Variants in MYOM2 observed in about 807,000 individuals in gnomAD.
MYOM2 encodes the protein myomesin-2.
Under a neutral mutation model 187.6 loss-of-function variants are expected in MYOM2, and 254 were observed. The ratio of observed to expected loss-of-function variants is 1.35; its 90% confidence interval spans 1.22 to 1.50. The LOEUF is 1.50. MYOM2 is among the 40% of genes most tolerant of loss of function. The pLI, the probability that MYOM2 is intolerant of heterozygous loss-of-function variation, is 0.00. For synonymous variants in MYOM2, 981 were observed against 753.8 expected (o/e 1.30, Z -4.94); for missense variants, 2,796 against 1,924.0 (o/e 1.45, Z -8.48).
intron 5 of MYOM2, 76 bp downstream of exon 5, chr8:2,057,856 A>G (rs1818723130): frequency 5.3e-6 from 8 of 1,521,156 alleles, no homozygotes; most frequent in Non-Finnish European, 7.1e-6. Context: ...TTAAGGAGAC[A>G]AACGCCATTG....
intron 18 of MYOM2, among the ~76,000 whole-genome samples, chr8:2,098,536 C>T (rs1025573916): frequency 2.6e-5 from 4 of 152,176 alleles, no homozygotes; most frequent in Non-Finnish European, 4.4e-5. Flanking sequence ...CCCTGGGCAA[C>T]CGTCGCCTCT....
chr8:2,050,943 C>A lies in MYOM2; in HGVS notation c.107+70C>A, dbSNP rs1818464811. Reference sequence around the variant, plus strand: ...GGGGTCTGACATTTAAAGGCTTTTCCAGTTCCGTCAGCCCTGGAGAGGCAC... The same window carrying A: ...GGGGTCTGACATTTAAAGGCTTTTCAAGTTCCGTCAGCCCTGGAGAGGCAC... On this transcript the variant is annotated intron_variant, in intron 2 of 36. Transcript: ENST00000262113. The A allele has an allele frequency of 3.3e-6, 4 of 1,225,800 alleles. No homozygotes were observed. In the Admixed American group the frequency reaches 5.7e-5, roughly 18 times the overall value. The allele number at this position is 1,225,800 out of a possible 1,614,324, so 75.9% of individuals were successfully genotyped here. A position where few individuals can be genotyped will look rare whatever the true frequency, so the allele number is the denominator to read the frequency against.
At chr8:2,101,953 G>A (rs1796724405) in intron 20 of MYOM2, 1 of 152,238 alleles carries the variant, frequency 6.6e-6, no homozygotes, top group African/African-American at 2.4e-5. Flanking sequence ...AGCCCCAGGA[G>A]GCCTACATGC....
In MYOM2 at chr8:2,145,277, C is replaced by T. The variant is rs1382285147; in HGVS notation, c.*296C>T. On this transcript the variant is annotated 3_prime_UTR_variant, in exon 37 of 37. Transcript: ENST00000262113. Reference sequence around the variant, plus strand: ...ACTAGAATTTTCACGGGTGTGGGCACATGGGTGTGGCACCTGGACGTGTGC... The same window carrying T: ...ACTAGAATTTTCACGGGTGTGGGCATATGGGTGTGGCACCTGGACGTGTGC... 5.8e-6 allele frequency: 3 copies of T among 514,320 alleles called. No homozygotes were observed. Among genetic ancestry groups the T allele is most frequent in the African/African-American group, 3.9e-5 (2 of 51,394 alleles). 31.9% of individuals were successfully genotyped at this position (514,320 alleles called of 1,614,324 possible). A position where few individuals can be genotyped will look rare whatever the true frequency, so the allele number is the denominator to read the frequency against.
chr8:2,124,448 G>A (rs573658187), intron 31 of MYOM2, among the ~76,000 whole-genome samples: 117 of 152,294 alleles, frequency 7.7e-4, no homozygotes, highest in African/African-American at 2.5e-3. Flanking sequence ...CAGGTTGGGC[G>A]TCCTGATTAG....
chr8:2,084,074 G>A (rs1184533545), intron 13 of MYOM2, among the ~76,000 whole-genome samples: 1 of 152,222 alleles, frequency 6.6e-6, no homozygotes, highest in Non-Finnish European at 1.5e-5. Flanking sequence ...CCAGGATTCA[G>A]TTTTGGAATT....
chr8:2,135,775 T>C (rs181293058), intron 32 of MYOM2, among the ~76,000 whole-genome samples: 1 of 152,346 alleles, frequency 6.6e-6, no homozygotes, highest in East Asian at 1.9e-4. Flanking sequence ...AATATCCCTA[T>C]ATGTCCAAGT....
intron 14 of MYOM2, among the ~76,000 whole-genome samples, chr8:2,086,395 TTGTGATCTCTGCGTGGCCTCC>T (rs1796058646): frequency 8.6e-5 from 11 of 127,590 alleles, no homozygotes; most frequent in African/African-American, 2.5e-4. Context: ...CCTCCCACTG[TTGTGATCTCTGCGTGGCCTCC>T]CACTGTTGTG....
At chr8:2,109,270 A>C in intron 24 of MYOM2, 125 bp from the exon 25 acceptor site, 1 of 1,131,142 alleles carries the variant, frequency 8.8e-7, no homozygotes, top group Admixed American at 3.1e-5. Flanking sequence ...CCATAATCTA[A>C]TACTCCAGGG....
intron 14 of MYOM2, among the ~76,000 whole-genome samples, chr8:2,086,800 C>T (rs1266272133): frequency 1.3e-5 from 2 of 152,162 alleles, no homozygotes; most frequent in African/African-American, 2.4e-5. Flanking sequence ...ACATTCCAGG[C>T]GCCTACATGC....
chr8:2,084,995 C>A, intron 13 of MYOM2: 1 of 425,438 alleles, frequency 2.4e-6, no homozygotes, highest in Non-Finnish European at 4.2e-6. Context: ...TCCCCCTCTT[C>A]CAACAGAATC....
rs760667306 is a variant in MYOM2 at position 2,069,367 on chromosome 8, G to T, written c.742+1G>T. The T allele has an allele frequency of 6.2e-7, 1 of 1,614,056 alleles. No individual in the cohort carries two copies. The highest frequency in any genetic ancestry group is 1.1e-5 in the South Asian group (1 of 91,082). On this transcript the variant is annotated splice_donor_variant, in intron 7 of 36. Transcript: ENST00000262113. LOFTEE classifies it high-confidence loss of function. ...ACCAACGCGGCGGTGGTGGTGAGAA[G>T]TGAGTGCCGGGTGGGCTTTCACGGG...
chr8:2,048,762 T>C (rs146506603), intron 1 of MYOM2, among the ~76,000 whole-genome samples: 63 of 148,464 alleles, frequency 4.2e-4, no homozygotes, highest in African/African-American at 1.5e-3. Context: ...CTTTTATTTA[T>C]TTATTTATTT....
At chr8:2,109,293 A>T in intron 24 of MYOM2, 102 bp from the exon 25 acceptor site, 1 of 1,346,186 alleles carries the variant, frequency 7.4e-7, no homozygotes, top group Non-Finnish European at 1.0e-6. Context: ...TCACATTCTC[A>T]AAAATCTAAT....
intron 32 of MYOM2, among the ~76,000 whole-genome samples, chr8:2,129,554 A>T (rs4483186): frequency 0.37 from 56,836 of 152,038 alleles, 11,012 homozygotes; most frequent in Non-Finnish European, 0.43. Flanking sequence ...AGAACTAATA[A>T]ATAATTTGTA....
At chr8:2,072,087 G>A (rs1443221832) in intron 8 of MYOM2, among the ~76,000 whole-genome samples, 2 of 152,164 alleles carry the variant, frequency 1.3e-5, no homozygotes, top group East Asian at 1.9e-4. Flanking sequence ...TGACAAAGAC[G>A]TGCTTTTGCG....
intron 13 of MYOM2, among the ~76,000 whole-genome samples, chr8:2,080,744 G>A (rs1449750491): frequency 6.6e-6 from 1 of 152,236 alleles, no homozygotes; most frequent in Non-Finnish European, 1.5e-5. Flanking sequence ...CTGAAAAATG[G>A]CTCCAAATAC....
chr8:2,052,973 A>AGAT (rs1415659624), intron 3 of MYOM2, among the ~76,000 whole-genome samples: 1 of 152,246 alleles, frequency 6.6e-6, no homozygotes, highest in African/African-American at 2.4e-5. Context: ...AATTATTTCC[A>AGAT]GATGACGGAG....
In MYOM2 at chr8:2,085,075, C is replaced by G. The variant is rs528129874; in HGVS notation, c.1517-188C>G. 5.2e-5 allele frequency: 33 copies of G among 634,194 alleles called. No individual in the cohort carries two copies. In the African/African-American group the frequency reaches 5.5e-4, roughly 11 times the overall value. The allele number at this position is 634,194 out of a possible 1,614,324, so 39.3% of individuals were successfully genotyped here. A position where few individuals can be genotyped will look rare whatever the true frequency, so the allele number is the denominator to read the frequency against. On this transcript the variant is annotated intron_variant, in intron 13 of 36. Coordinates refer to ENST00000262113, the MANE Select transcript of MYOM2 (RefSeq NM_003970.4). Reference sequence around the variant, plus strand: ...ATATCTGTATTGGAAGCAAAACTAACTGGCTGATCTTTATTGGTGCCTTAT... The same window carrying G: ...ATATCTGTATTGGAAGCAAAACTAAGTGGCTGATCTTTATTGGTGCCTTAT...
Sources: allele counts gnomAD v4.1 joint callset (sites outside exome capture counted in the v4.1 genomes callset), GRCh38; gene constraint gnomAD v4.1.1; transcripts MANE v1.5; gene names NCBI Gene and HGNC (gene_info 2026-07-23, HGNC 2026-07-21).